Variants in FGFRL1 observed in about 807,000 individuals in gnomAD.
FGFRL1 encodes fibroblast growth factor receptor like 1.
In FGFRL1, 24 loss-of-function variants were observed where a neutral mutation model predicts 36.8. The ratio of observed to expected loss-of-function variants is 0.65; its 90% CI spans 0.47 to 0.92. FGFRL1 has a LOEUF of 0.92. Ranked by LOEUF, FGFRL1 falls within the 40% of genes least tolerant of loss-of-function variation. FGFRL1 has a pLI of 0.00. For missense variants in FGFRL1, 785 were observed against 753.4 expected, an observed-to-expected ratio of 1.04 and a Z score of -0.49; for synonymous variants, 422 against 344.1, an observed-to-expected ratio of 1.23 and a Z score of -2.50.
intron 2 of FGFRL1, among the ~76,000 whole-genome samples, chr4:1,019,235 C>T (rs768284529): frequency 6.6e-6 from 1 of 152,198 alleles, no homozygotes; most frequent in Non-Finnish European, 1.5e-5. Context: ...AGGTGGGCTC[C>T]CTCCCCAGAT....
In FGFRL1 at chr4:1,012,231, C is replaced by T. The variant is rs893433921; in HGVS notation, c.-16-239C>T. 1.1e-5 allele frequency: 5 copies of T among 472,630 alleles called. No homozygotes were observed. The Admixed American group carries it at 1.3e-4, about 13-fold the overall frequency. The allele number at this position is 472,630 out of a possible 1,614,324, so 29.3% of individuals were successfully genotyped here. A position where few individuals can be genotyped will look rare whatever the true frequency, so the allele number is the denominator to read the frequency against. ...CGGGCAGGGCCGGAGTTACAAGCGC[C>T]AGGAATCCAGACGGTGTTTGGAGAG... On this transcript the variant is annotated intron_variant, in intron 1 of 6. Coordinates refer to ENST00000510644, the MANE Select transcript of FGFRL1 (RefSeq NM_001004356.3).
intron 6 of FGFRL1, 117 bp downstream of exon 6, chr4:1,024,781 T>A: frequency 7.2e-7 from 1 of 1,385,222 alleles, no homozygotes; most frequent in Non-Finnish European, 9.7e-7. Context: ...GCTGGCCAGG[T>A]CATCTGCCGA....
upstream of FGFRL1, chr4:1,010,927 G>A (rs368561405): frequency 4.6e-5 from 7 of 152,400 alleles, no homozygotes; most frequent in African/African-American, 1.7e-4. Context: ...TCACTAGCAG[G>A]TGAGAGGCTG....
At chr4:1,015,687 C>G (rs905035634) in intron 2 of FGFRL1, among the ~76,000 whole-genome samples, 11 of 152,216 alleles carry the variant, frequency 7.2e-5, no homozygotes, top group Non-Finnish European at 1.5e-4. Flanking sequence ...ATTGGCTGAG[C>G]AGTGACAGGA....
In FGFRL1 at chr4:1,024,338, C is replaced by T; in HGVS notation, c.746C>T (p.Thr249Ile). The change falls in exon 6 of 7, where the codon ACA becomes ATA. Residue 249 changes from threonine to isoleucine, a missense_variant. Thr to Ile is a moderately conservative substitution (Grantham distance 89). Transcript: ENST00000510644. The part of the protein sequence containing the change: ...IQRTRSKPVL[T>I]GTHPVNTTVD... ...CGGACCCGTTCCAAGCCCGTGCTCACAGGCACGCACCCCGTGAACACGACG... is the reference window on the plus strand; with the variant it reads ...CGGACCCGTTCCAAGCCCGTGCTCATAGGCACGCACCCCGTGAACACGACG... 3 of 1,607,910 alleles carry T rather than the reference C, an allele frequency of 1.9e-6. No homozygotes were observed. Among genetic ancestry groups the T allele is most frequent in the South Asian group, 1.1e-5 (1 of 90,822 alleles).
chr4:1,012,363 G>C (rs1168539313), intron 1 of FGFRL1, 107 bp from the exon 2 acceptor site: 1 of 1,301,536 alleles, frequency 7.7e-7, no homozygotes, highest in East Asian at 2.8e-5. Context: ...CGGGCGGGGA[G>C]GGCCTGTGGG....
chr4:1,021,161 CA>C (rs1716157252), intron 2 of FGFRL1, among the ~76,000 whole-genome samples: 1 of 22,086 alleles, frequency 4.5e-5, no homozygotes, highest in African/African-American at 1.7e-4. Context: ...GGGACCCAGA[CA>C]GGGGGTGGGG....
intron 2 of FGFRL1, among the ~76,000 whole-genome samples, chr4:1,019,550 C>G (rs1052711641): frequency 2.6e-5 from 4 of 152,176 alleles, no homozygotes; most frequent in South Asian, 2.1e-4. Flanking sequence ...CCTGGGCCGG[C>G]TGGGAAGGGG....
upstream of FGFRL1, chr4:1,010,828 T>A (rs1464233971): frequency 1.3e-5 from 2 of 152,258 alleles, no homozygotes; most frequent in Non-Finnish European, 2.9e-5. Context: ...CTCCGTTTCT[T>A]CATCTGCTCC....
chr4:1,025,510 C>G lies in FGFRL1; in HGVS notation c.*163C>G, dbSNP rs927429684. The G allele has an allele frequency of 2.0e-5, 16 of 796,310 alleles. No individual in the cohort carries two copies. Among genetic ancestry groups the G allele is most frequent in the Non-Finnish European group, 3.2e-5 (16 of 507,240 alleles). The allele number at this position is 796,310 out of a possible 1,614,324, so 49.3% of individuals were successfully genotyped here. ...GGCATAGCCCCTGGACACACACACACAGACACACACACTGCCTGGATGCAT... is the reference window on the plus strand; with the variant it reads ...GGCATAGCCCCTGGACACACACACAGAGACACACACACTGCCTGGATGCAT... On this transcript the variant is annotated 3_prime_UTR_variant, in exon 7 of 7. Coordinates refer to ENST00000510644, the MANE Select transcript of FGFRL1 (RefSeq NM_001004356.3).
chr4:1,022,348 C>A lies in FGFRL1; in HGVS notation c.225C>A (p.Ser75Arg), dbSNP rs1455543134. Reference sequence around the variant, plus strand: ...GCCGCACCATCCACAGCGGCTGGAGCCGCTTCCGCGTGCTGCCGCAGGGGC... The same window carrying A: ...GCCGCACCATCCACAGCGGCTGGAGACGCTTCCGCGTGCTGCCGCAGGGGC... Reference protein sequence around the residue: ...KDGRTIHSGWSRFRVLPQGLK... With the variant: ...KDGRTIHSGWRRFRVLPQGLK... Residue 75 changes from serine (S) to arginine (R), a missense_variant, in exon 3 of 7, where the codon AGC (serine) becomes AGA (arginine). Ser to Arg is a moderately radical substitution (Grantham distance 110, BLOSUM62 -1). Coordinates refer to ENST00000510644, the MANE Select transcript of FGFRL1 (RefSeq NM_001004356.3). 3 of 1,606,004 alleles carry A rather than the reference C, an allele frequency of 1.9e-6. No individual in the cohort carries two copies. In the Admixed American group the frequency reaches 5.1e-5, roughly 27 times the overall value.
At chr4:1,013,655 G>A (rs1463552235) in intron 2 of FGFRL1, among the ~76,000 whole-genome samples, 2 of 152,272 alleles carry the variant, frequency 1.3e-5, no homozygotes, top group East Asian at 1.9e-4. Context: ...CCAGCGGCCT[G>A]GACTTGCATT....
In FGFRL1 at chr4:1,026,265, C is replaced by T. The variant is rs770466875; in HGVS notation, c.*918C>T. ...GATATGCTGCCTGGGCACACACTTC[C>T]GGACACACATGCACACACAGGTGCA... On this transcript the variant is annotated 3_prime_UTR_variant, in exon 7 of 7. Coordinates refer to ENST00000510644, the MANE Select transcript of FGFRL1 (RefSeq NM_001004356.3). The T allele has an allele frequency of 1.5e-4, 23 of 157,312 alleles. No individual in the cohort carries two copies. Among genetic ancestry groups the T allele is most frequent in the Non-Finnish European group, 2.1e-4 (15 of 71,540 alleles). The allele number at this position is 157,312 out of a possible 1,614,324, so 9.7% of individuals were successfully genotyped here.
At position 1,026,218 on chromosome 4, in the gene FGFRL1, TAC is replaced by T. The variant is rs528378155; in HGVS notation, c.*876_*877del. The T allele has an allele frequency of 6.5e-6, 1 of 154,538 alleles. No homozygotes were observed. The highest frequency in any genetic ancestry group is 2.4e-5 in the African/African-American group (1 of 40,998). The allele number at this position is 154,538 out of a possible 1,614,324, so 9.6% of individuals were successfully genotyped here. On this transcript the variant is annotated 3_prime_UTR_variant, in exon 7 of 7. Transcript: ENST00000510644. ...CACACGTGCAGATATGCTGTCCGGA[TAC>T]ACACGCACGCACACATGCAGATATG...
intron 2 of FGFRL1, among the ~76,000 whole-genome samples, chr4:1,012,839 C>T (rs1331528815): frequency 6.6e-6 from 1 of 152,258 alleles, no homozygotes; most frequent in Non-Finnish European, 1.5e-5. Context: ...TGCTCCTGGT[C>T]TTGCAAACAC....
Position 1,023,842 on chromosome 4 carries a change from C to T in FGFRL1, c.459C>T (p.Ser153=). The T allele has an allele frequency of 6.3e-7, 1 of 1,581,488 alleles. No homozygotes were observed. ...QWARPRFTQP[S]KMRRRVIARP... The stretch of plus-strand genomic sequence containing the variant: ...CACGACCGCGCTTCACACAGCCCTC[C>T]AAGATGAGGCGCCGGGTGATCGCAC... Residue 153 remains serine (S), a synonymous_variant, in exon 5 of 7, where the codon TCC becomes TCT. Transcript: ENST00000510644. The surrounding 1 kb of genome is among the most constrained non-coding windows in gnomAD (Gnocchi z 6.0).
chr4:1,023,648 T>C lies in FGFRL1; in HGVS notation c.360T>C (p.Ile120=). 1 of 1,602,382 alleles carries C rather than the reference T, an allele frequency of 6.2e-7. No homozygotes were observed. Among genetic ancestry groups the C allele is most frequent in the Non-Finnish European group, 8.5e-7 (1 of 1,176,696 alleles). The change falls in exon 4 of 7, where the codon ATT becomes ATC. Residue 120 remains isoleucine (I), a synonymous_variant. Coordinates refer to ENST00000510644, the MANE Select transcript of FGFRL1 (RefSeq NM_001004356.3). The surrounding 1 kb of genome is among the most constrained non-coding windows in gnomAD (Gnocchi z 6.0). ...VNYTLVVLDD[I]SPGKESLGPD... is the part of the protein sequence containing the mutation. The stretch of plus-strand genomic sequence containing the variant: ...ACCTCCGTCTCTCTGCAGATGACAT[T>C]AGCCCAGGGAAGGAGAGCCTGGGGC...
rs1715599501 is a variant in FGFRL1 at position 1,011,839 on chromosome 4, C to T, written c.-132C>T. The stretch of plus-strand genomic sequence containing the variant: ...CAGGTAGCGCCGCCCCGCCCCGAGA[C>T]CGGGCCCGGGGGCGCGGGGCGGCGG... On this transcript the variant is annotated 5_prime_UTR_variant, in exon 1 of 7. Coordinates refer to ENST00000510644, the MANE Select transcript of FGFRL1 (RefSeq NM_001004356.3). The T allele has an allele frequency of 7.0e-6, 1 of 142,830 alleles. No homozygotes were observed. The highest frequency in any genetic ancestry group is 2.1e-4 in the South Asian group (1 of 4,664). The allele number at this position is 142,830 out of a possible 1,614,324, so 8.8% of individuals were successfully genotyped here.
intron 2 of FGFRL1, among the ~76,000 whole-genome samples, chr4:1,017,268 C>T (rs968797913): frequency 6.8e-6 from 1 of 147,586 alleles, no homozygotes; most frequent in African/African-American, 2.4e-5. Flanking sequence ...ATCCTCACTC[C>T]ACTCTGGCCT....
Sources: allele counts gnomAD v4.1 joint callset (sites outside exome capture counted in the v4.1 genomes callset), GRCh38; gene constraint gnomAD v4.1.1; non-coding constraint Gnocchi (gnomAD v3.1); transcripts MANE v1.5; gene names NCBI Gene and HGNC (gene_info 2026-07-23, HGNC 2026-07-21).